Variants in PLXNB2 observed in about 807,000 individuals in gnomAD.
PLXNB2 encodes plexin B2.
PLXNB2 carries 85 observed loss-of-function variants against 202.6 expected under a neutral mutation model. The observed-to-expected ratio is 0.42, with a 90% CI of 0.35 to 0.50. The LOEUF is 0.50. Ranked by LOEUF, PLXNB2 falls within the 20% of genes least tolerant of loss-of-function variation. The probability of loss-of-function intolerance (pLI) is 0.02; values close to 1 mark genes in which losing one functional copy is unlikely to be tolerated. For synonymous variants in PLXNB2, 1,239 were observed against 1,137.6 expected (o/e 1.09, Z -1.79); for missense variants, 2,063 against 2,586.2 (o/e 0.80, Z 4.39).
chr22:50,279,133 C>G, intron 27 of PLXNB2, 122 bp from the exon 28 acceptor site: 1 of 1,036,446 alleles, frequency 9.6e-7, no homozygotes, highest in Non-Finnish European at 1.4e-6. Context: ...AGCAGGCCCC[C>G]GCCAGCCCGG....
rs766094644 is a variant in PLXNB2 at position 50,289,955 on chromosome 22, G to A, written c.630C>T (p.Tyr210=). Residue 210 remains tyrosine, a synonymous_variant, in exon 3 of 37, where the codon TAC becomes TAT. Transcript: ENST00000359337. The surrounding 1 kb of genome is among the most constrained non-coding windows in gnomAD (Gnocchi z 8.0). Reference sequence around the variant, plus strand: ...CGAACTGCTGTGTGTTGGTGGACAGGTAGCCGGCCTTGTAGGTGGCGTGGT... The same window carrying A: ...CGAACTGCTGTGTGTTGGTGGACAGATAGCCGGCCTTGTAGGTGGCGTGGT... ...YTDHATYKAG[Y]LSTNTQQFVA... The A allele has an allele frequency of 1.2e-6, 2 of 1,613,354 alleles. No individual in the cohort carries two copies. The highest frequency in any genetic ancestry group is 3.3e-5 in the Admixed American group (2 of 60,028).
intron 1 of PLXNB2, among the ~76,000 whole-genome samples, chr22:50,305,508 G>A (rs1241116174): frequency 6.6e-6 from 1 of 152,212 alleles, no homozygotes; most frequent in Non-Finnish European, 1.5e-5. Context: ...CTCCCCACCT[G>A]CAGGATGGGC....
chr22:50,284,615 C>T lies in PLXNB2; in HGVS notation c.2139G>A (p.Val713=). 6.2e-7 allele frequency: 1 copy of T among 1,612,190 alleles called. No individual in the cohort carries two copies. Among genetic ancestry groups the T allele is most frequent in the Non-Finnish European group, 8.5e-7 (1 of 1,179,516 alleles). ...CGAAGGTCCCAGATTCCTGCATGGT[C>T]ACCGGCTCCATGAACTTGAGCAAGT... is the stretch of plus-strand genomic sequence containing the variant. ...GSDLLKFMEP[V]TMQESGTFAF... Residue 713 remains valine, a synonymous_variant, in exon 12 of 37, where the codon GTG becomes GTA. Transcript: ENST00000359337. The surrounding 1 kb of genome is among the most constrained non-coding windows in gnomAD (Gnocchi z 8.0).
At chr22:50,301,366 G>A in intron 1 of PLXNB2, 1 of 983,064 alleles carries the variant, frequency 1.0e-6, no homozygotes, top group South Asian at 4.7e-5. Flanking sequence ...CGTGCTTCCT[G>A]AGGACCTCCT....
In PLXNB2 at chr22:50,297,645, C is replaced by A. The variant is rs1292942246; in HGVS notation, c.-73-2867G>T. Among the ~76,000 whole-genome samples, 1 of 152,172 alleles carries A rather than the reference C, an allele frequency of 6.6e-6. No homozygotes were observed. Among genetic ancestry groups the A allele is most frequent in the African/African-American group, 2.4e-5 (1 of 41,446 alleles). On this transcript the variant is annotated intron_variant, in intron 1 of 36. Coordinates refer to ENST00000359337, the MANE Select transcript of PLXNB2 (RefSeq NM_012401.4). The surrounding 1 kb of genome is among the most constrained non-coding windows in gnomAD (Gnocchi z 5.3). ...CTCACAAGATTCCCGCTTAGCTACCCCAGAAAAAGGAGTTTCTTCCTTAGG... is the reference window on the plus strand; with the variant it reads ...CTCACAAGATTCCCGCTTAGCTACCACAGAAAAAGGAGTTTCTTCCTTAGG...
At chr22:50,287,408 T>A (rs1302685743) in intron 7 of PLXNB2, 144 bp from the exon 8 acceptor site, 16 of 990,024 alleles carry the variant, frequency 1.6e-5, no homozygotes, top group Non-Finnish European at 2.3e-5. Flanking sequence ...TACAGGCCTC[T>A]CTGTGGTCAC....
intron 2 of PLXNB2, 36 bp from the exon 3 acceptor site, chr22:50,290,633 C>G (rs1312668987): frequency 1.1e-5 from 16 of 1,499,880 alleles, no homozygotes; most frequent in Admixed American, 2.2e-5. Context: ...GAGCCCCGAC[C>G]CAGAGGACCC....
At position 50,288,075 on chromosome 22, in the gene PLXNB2, G is replaced by A; in HGVS notation, c.1381-38C>T. On this transcript the variant is annotated intron_variant, in intron 5 of 36. Transcript: ENST00000359337. This position sits in a 1 kb window ranked among gnomAD's most constrained non-coding sequence, Gnocchi z 5.0. ...GGCCGTGAGTGGGACCACAGCAGAG[G>A]CCGCACGGGCCTTCCGCAGACCCCA... is the stretch of plus-strand genomic sequence containing the variant. 6.8e-7 allele frequency: 1 copy of A among 1,466,504 alleles called. No individual in the cohort carries two copies. The highest frequency in any genetic ancestry group is 2.1e-4 in the Middle Eastern group (1 of 4,664). The allele number at this position is 1,466,504 out of a possible 1,614,324, so 90.8% of individuals were successfully genotyped here.
In PLXNB2 at chr22:50,286,286, G is replaced by A. The variant is rs1479601660; in HGVS notation, c.1764C>T (p.Asp588=). Residue 588 remains aspartate, a splice_region_variant and synonymous_variant, in exon 9 of 37, where the codon GAC becomes GAT. Transcript: ENST00000359337. ...GGAGCTGGATGGTCACGGCCACGTGGTCTGCAGACAGCAGAGGGGGAGGTG... is the reference window on the plus strand; with the variant it reads ...GGAGCTGGATGGTCACGGCCACGTGATCTGCAGACAGCAGAGGGGGAGGTG... ...SSIPVTPPGQ[D]HVAVTIQLLL... 9 of 1,609,836 alleles carry A rather than the reference G, an allele frequency of 5.6e-6. No homozygotes were observed. The highest frequency in any genetic ancestry group is 7.6e-6 in the Non-Finnish European group (9 of 1,177,218).
At position 50,297,926 on chromosome 22, in the gene PLXNB2, C is replaced by T. The variant is rs148294588; in HGVS notation, c.-73-3148G>A. 2.5e-4 allele frequency among the ~76,000 whole-genome samples: 38 copies of T among 152,328 alleles called. No homozygotes were observed. The East Asian group carries it at 6.2e-3, about 25-fold the overall frequency. ...TGCCCACTCAGAGAACGCTGCCTCA[C>T]GACATTCCCACGTCCATGTTCACTG... On this transcript the variant is annotated intron_variant, in intron 1 of 36. Transcript: ENST00000359337. This position sits in a 1 kb window ranked among gnomAD's most constrained non-coding sequence, Gnocchi z 5.3.
Position 50,278,032 on chromosome 22 carries a change from C to G in PLXNB2, c.4888-19G>C, listed in dbSNP as rs753197625. ...GTGTGCCCTGTGGGGGGGAGGGTCT[C>G]AGCGTGACGCCGTGGGCGCGGCTCC... On this transcript the variant is annotated intron_variant, in intron 31 of 36. Coordinates refer to ENST00000359337, the MANE Select transcript of PLXNB2 (RefSeq NM_012401.4). The G allele has an allele frequency of 1.2e-6, 2 of 1,608,690 alleles. No individual in the cohort carries two copies. Among genetic ancestry groups the G allele is most frequent in the South Asian group, 2.2e-5 (2 of 91,008 alleles).
intron 11 of PLXNB2, chr22:50,285,045 G>A (rs4076566): frequency 0.38 from 152,471 of 396,910 alleles, 31,840 homozygotes; most frequent in South Asian, 0.54. Flanking sequence ...AAAGGCCCCC[G>A]AGTGCTGCCT....
chr22:50,281,086 T>C lies in PLXNB2; in HGVS notation c.3763+3A>G. The C allele has an allele frequency of 3.1e-6, 5 of 1,612,232 alleles. No homozygotes were observed. Among genetic ancestry groups the C allele is most frequent in the Non-Finnish European group, 4.2e-6 (5 of 1,179,054 alleles). ...CCAGCACCAGCCCCCAAGCGGTCCC[T>C]ACCTGTGAATTCCTTCTTGCAGCGG... On this transcript the variant is annotated splice_donor_region_variant and intron_variant, in intron 23 of 36. Coordinates refer to ENST00000359337, the MANE Select transcript of PLXNB2 (RefSeq NM_012401.4).
At chr22:50,283,492 C>CACACCCTG (rs767380284) in intron 15 of PLXNB2, 47 bp from the exon 16 acceptor site, 1 of 1,574,976 alleles carries the variant, frequency 6.3e-7, no homozygotes, top group African/African-American at 1.4e-5. Context: ...CGACCCACCC[C>CACACCCTG]ACACCCTGAC....
rs1341905187 is a variant in PLXNB2 at position 50,276,917 on chromosome 22, C to T, written c.5197-11G>A. On this transcript the variant is annotated splice_polypyrimidine_tract_variant and intron_variant, in intron 33 of 36. Transcript: ENST00000359337. ...GTTGCTGGGAGAATCCTGTTGGGGA[C>T]AAAACCCAGTGATGCCTGGCCAAGG... 1.7e-5 allele frequency: 27 copies of T among 1,590,390 alleles called. No homozygotes were observed. The highest frequency in any genetic ancestry group is 2.2e-5 in the Non-Finnish European group (26 of 1,167,854).
In PLXNB2 at chr22:50,283,181, G is replaced by T; in HGVS notation, c.2685C>A (p.Pro895=). 6.3e-7 allele frequency: 1 copy of T among 1,598,102 alleles called. No individual in the cohort carries two copies. The change falls in exon 17 of 37, where the codon CCC becomes CCA. Residue 895 remains proline (P), a synonymous_variant. Coordinates refer to ENST00000359337, the MANE Select transcript of PLXNB2 (RefSeq NM_012401.4). ...PPNVQFTFQQ[P]KPLSVEPQQG... ...GCTGCGGCTCCACACTGAGAGGCTT[G>T]GGCTGCTGAAAGAGCCGCAGGGGCA...
intron 27 of PLXNB2, 108 bp from the exon 28 acceptor site, chr22:50,279,119 G>A (rs533499708): frequency 6.8e-6 from 8 of 1,176,876 alleles, no homozygotes; most frequent in South Asian, 4.7e-5. Context: ...CGGCACCCTT[G>A]GGCAGCAGGC....
Position 50,289,335 on chromosome 22 carries a change from C to A in PLXNB2, c.1068+182G>T, listed in dbSNP as rs941072746. 1.3e-5 allele frequency among the ~76,000 whole-genome samples: 2 copies of A among 152,200 alleles called. No homozygotes were observed. Among genetic ancestry groups the A allele is most frequent in the Non-Finnish European group, 2.9e-5 (2 of 68,030 alleles). ...TGTGTTCCCCAGTGCCCGACACAGG[C>A]CTGGGACTGGCGCCAGCGTGAATGG... On this transcript the variant is annotated intron_variant, in intron 3 of 36. Coordinates refer to ENST00000359337, the MANE Select transcript of PLXNB2 (RefSeq NM_012401.4). This position sits in a 1 kb window ranked among gnomAD's most constrained non-coding sequence, Gnocchi z 8.0.
intron 1 of PLXNB2, chr22:50,300,181 G>A: frequency 1.3e-6 from 1 of 788,778 alleles, no homozygotes; most frequent in Non-Finnish European, 1.5e-6. Context: ...GGGGGCCCAG[G>A]ACGCGCGGGC....
Sources: gnomAD v4.1 joint callset for allele counts (sites outside exome capture counted in the v4.1 genomes callset) on GRCh38, gnomAD v4.1.1 for gene constraint, Gnocchi (gnomAD v3.1) non-coding constraint, MANE v1.5 for transcripts, NCBI Gene and HGNC (gene_info 2026-07-23, HGNC 2026-07-21) for gene names.